The following MMP16 variants were observed in gnomAD, a reference collection of about 807,000 sequenced individuals.
The protein encoded by MMP16 is matrix metallopeptidase 16.
In MMP16, 12 loss-of-function variants were observed where a neutral mutation model predicts 67.8. The observed-to-expected ratio is 0.18, with a 90% confidence interval of 0.11 to 0.29. MMP16 has a LOEUF of 0.29. Among genes scored for constraint, MMP16 ranks in the 10% least tolerant of loss-of-function variants. The pLI, the probability that MMP16 is intolerant of heterozygous loss-of-function variation, is 1.00. For missense variants in MMP16, 475 were observed against 765.7 expected (o/e 0.62, Z 4.48); for synonymous variants, 249 against 255.9 (o/e 0.97, Z 0.26).
intron 1 of MMP16, among the ~76,000 whole-genome samples, chr8:88,274,175 T>TG (rs1353381106): frequency 1.3e-5 from 2 of 151,600 alleles, no homozygotes; most frequent in Non-Finnish European, 2.9e-5. Flanking sequence ...AATCACTAAA[T>TG]TTTTTTTTCA....
chr8:88,296,029 C>T (rs1328079234), intron 1 of MMP16, among the ~76,000 whole-genome samples: 1 of 148,832 alleles, frequency 6.7e-6, no homozygotes, highest in East Asian at 1.9e-4. Context: ...TATATTAATC[C>T]TACTTACTAA....
rs139137596 is a variant in MMP16 at position 88,207,295 on chromosome 8, C to T, written c.133-9989G>A. Among the ~76,000 whole-genome samples, 23 of 152,212 alleles carry T rather than the reference C, an allele frequency of 1.5e-4. 2 individuals are homozygous for T. Among genetic ancestry groups the T allele is most frequent in the Middle Eastern group, 3.4e-3 (1 of 294 alleles). ...TAACTGCATAAAATTAACTGTAGTA[C>T]GTATTGTACTACTGTGATAATATCA... On this transcript the variant is annotated intron_variant, in intron 1 of 9. Transcript: ENST00000286614.
chr8:88,140,624 C>A (rs1808197655), intron 4 of MMP16, among the ~76,000 whole-genome samples: 1 of 152,152 alleles, frequency 6.6e-6, no homozygotes, highest in South Asian at 2.1e-4. Context: ...GAATAACATC[C>A]TACTGAATGA....
rs1809270693 is a variant in MMP16 at position 88,197,233 on chromosome 8, A to G, written c.206T>C (p.Met69Thr). The G allele has an allele frequency of 3.1e-6, 5 of 1,612,274 alleles. No homozygotes were observed. The highest frequency in any genetic ancestry group is 4.5e-5 in the East Asian group (2 of 44,764). Residue 69 changes from methionine to threonine, a missense_variant, in exon 2 of 10, where the codon ATG (methionine) becomes ACG (threonine). Around this residue, in one of 5 missense-constraint regions of MMP16, gnomAD observed 170 missense variants for 239.6 expected, o/e 0.71. Coordinates refer to ENST00000286614, the MANE Select transcript of MMP16 (RefSeq NM_005941.5). ...RMSVLRSAET[M>T]QSALAAMQQF... ...CTGCATGGCAGCTAGGGCAGACTGC[A>G]TGGTCTCTGCAGAGCGCAGCACTGA...
chr8:88,056,518 C>A (rs1000115282), intron 7 of MMP16, among the ~76,000 whole-genome samples: 1 of 151,422 alleles, frequency 6.6e-6, no homozygotes, highest in African/African-American at 2.4e-5. Context: ...ATAATATAAC[C>A]AAAATTTGTG....
At chr8:88,057,887 A>C (rs576583511) in intron 7 of MMP16, among the ~76,000 whole-genome samples, 45 of 152,286 alleles carry the variant, frequency 3.0e-4, no homozygotes, top group African/African-American at 1.1e-3. Context: ...ATCATCCTAC[A>C]TGACAGCAGA....
intron 7 of MMP16, among the ~76,000 whole-genome samples, chr8:88,072,393 C>CT (rs201023816): frequency 0.011 from 1,634 of 152,132 alleles, 26 homozygotes; most frequent in African/African-American, 0.037. Flanking sequence ...ATAATCAATG[C>CT]TTTATTGAGC....
intron 1 of MMP16, among the ~76,000 whole-genome samples, chr8:88,292,189 A>G (rs961784892): frequency 3.9e-5 from 6 of 152,228 alleles, no homozygotes; most frequent in Admixed American, 1.3e-4. Context: ...TTAATACAAA[A>G]TTATATTTTA....
intron 6 of MMP16, among the ~76,000 whole-genome samples, chr8:88,098,416 A>T (rs184966234): frequency 3.7e-4 from 56 of 152,080 alleles, no homozygotes; most frequent in Non-Finnish European, 5.7e-4. Flanking sequence ...TTTAAATCAC[A>T]TGGTTGGTAT....
In MMP16 at chr8:88,035,033, T is replaced by C. The variant is rs1011388496; in HGVS notation, c.*6428A>G. 1.3e-5 allele frequency: 2 copies of C among 152,062 alleles called. No homozygotes were observed. The highest frequency in any genetic ancestry group is 2.9e-5 in the Non-Finnish European group (2 of 67,960). 9.4% of individuals were successfully genotyped at this position (152,062 alleles called of 1,614,324 possible). On this transcript the variant is annotated 3_prime_UTR_variant, in exon 10 of 10. Coordinates refer to ENST00000286614, the MANE Select transcript of MMP16 (RefSeq NM_005941.5). This position sits in a 1 kb window ranked among gnomAD's most constrained non-coding sequence, Gnocchi z 4.7. ...CCAAATACTACAGAAATGTCTGTAT[T>C]GTGACTGATATTTTTTTCATGTATA...
intron 1 of MMP16, among the ~76,000 whole-genome samples, chr8:88,214,471 G>C (rs1809557848): frequency 1.3e-5 from 2 of 152,044 alleles, no homozygotes; most frequent in South Asian, 4.1e-4. Context: ...TTCAGGCTCA[G>C]CTGAATACCT....
intron 1 of MMP16, among the ~76,000 whole-genome samples, chr8:88,223,521 G>A (rs1809719640): frequency 2.0e-5 from 3 of 151,770 alleles, no homozygotes; most frequent in African/African-American, 4.8e-5. Context: ...CCGTAAAAAG[G>A]ATGAGTTCAT....
chr8:88,303,487 C>A (rs1811163957), intron 1 of MMP16, among the ~76,000 whole-genome samples: 1 of 152,212 alleles, frequency 6.6e-6, no homozygotes, highest in Non-Finnish European at 1.5e-5. Context: ...AAGTGGGTCC[C>A]TGATCCTGTT....
intron 1 of MMP16, among the ~76,000 whole-genome samples, chr8:88,222,149 G>A (rs2129848749): frequency 6.6e-6 from 1 of 151,918 alleles, no homozygotes; most frequent in Admixed American, 6.6e-5. Flanking sequence ...CAGTATTGTA[G>A]AAAAACAAGT....
At chr8:88,228,416 G>A (rs1273313548) in intron 1 of MMP16, among the ~76,000 whole-genome samples, 2 of 152,020 alleles carry the variant, frequency 1.3e-5, no homozygotes, top group African/African-American at 4.8e-5. Flanking sequence ...CCATCAAAGT[G>A]ATTTTTATAA....
At chr8:88,171,949 C>A (rs1808811009) in intron 3 of MMP16, among the ~76,000 whole-genome samples, 1 of 151,930 alleles carries the variant, frequency 6.6e-6, no homozygotes, top group Non-Finnish European at 1.5e-5. Flanking sequence ...GCCTCAGCCT[C>A]CCGAGTAGCT....
chr8:88,068,566 A>G (rs1479869826), intron 7 of MMP16, among the ~76,000 whole-genome samples: 1 of 152,124 alleles, frequency 6.6e-6, no homozygotes, highest in African/African-American at 2.4e-5. Flanking sequence ...CGTATAGTAC[A>G]GGATGTGAAT....
intron 7 of MMP16, among the ~76,000 whole-genome samples, chr8:88,059,292 G>C (rs1460387955): frequency 6.6e-6 from 1 of 151,970 alleles, no homozygotes. Flanking sequence ...TAAAGGAAGA[G>C]GGAAGAGGAG....
At chr8:88,043,727 T>G (rs986346580) in intron 9 of MMP16, among the ~76,000 whole-genome samples, 1 of 152,164 alleles carries the variant, frequency 6.6e-6, no homozygotes, top group Non-Finnish European at 1.5e-5. Flanking sequence ...AGTTTTGCAA[T>G]GAGAGCAACT....
Sources: allele counts gnomAD v4.1 joint callset (sites outside exome capture counted in the v4.1 genomes callset), GRCh38; gene constraint gnomAD v4.1.1; regional missense constraint gnomAD v4.1.1; non-coding constraint Gnocchi (gnomAD v3.1); transcripts MANE v1.5; gene names NCBI Gene and HGNC (gene_info 2026-07-23, HGNC 2026-07-21).